The following TET3 variants were observed in gnomAD, a reference collection of about 807,000 sequenced individuals.
TET3 encodes the protein methylcytosine dioxygenase TET3.
A neutral mutation model predicts 141.4 loss-of-function variants in TET3; 19 were observed. The observed-to-expected ratio is 0.13, with a 90% confidence interval of 0.09 to 0.20. TET3 has a LOEUF of 0.20. Among genes scored for constraint, TET3 ranks in the 10% least tolerant of loss-of-function variants. The pLI is 1.00. For missense variants in TET3, 1,874 were observed against 2,356.9 expected (o/e 0.80, Z 4.24); for synonymous variants, 1,043 against 980.9 (o/e 1.06, Z -1.18).
At chr2:73,990,578 T>TA (rs915963359) in intron 2 of TET3, among the ~76,000 whole-genome samples, 3 of 152,036 alleles carry the variant, frequency 2.0e-5, no homozygotes, top group Admixed American at 6.6e-5. Context: ...GAATGACCCT[T>TA]AAAAAAATGC....
Position 74,100,781 on chromosome 2 carries a change from C to T in TET3, c.3993C>T (p.Ala1331=). The T allele has an allele frequency of 6.2e-7, 1 of 1,613,170 alleles. No homozygotes were observed. Among genetic ancestry groups the T allele is most frequent in the Non-Finnish European group, 8.5e-7 (1 of 1,179,622 alleles). Residue 1331 remains alanine (A), a synonymous_variant, in exon 12 of 12, where the codon GCC becomes GCT. Coordinates refer to ENST00000409262, the MANE Select transcript of TET3 (RefSeq NM_001287491.2). ...CTCTGCACAACAGCCTGAGCCCGGC[C>T]TACGGTGGTGCTGAGTTTGCCGAGC... The part of the protein sequence containing the change: ...LHALHNSLSP[A]YGGAEFAELP...
intron 3 of TET3, among the ~76,000 whole-genome samples, chr2:74,025,998 C>T (rs1686330146): frequency 6.6e-6 from 1 of 152,172 alleles, no homozygotes; most frequent in African/African-American, 2.4e-5. Flanking sequence ...TCCTTGTCCT[C>T]ATAGCTCCCA....
At chr2:74,098,136 G>A (rs760730075) in intron 10 of TET3, among the ~76,000 whole-genome samples, 11 of 152,292 alleles carry the variant, frequency 7.2e-5, no homozygotes, top group South Asian at 2.1e-4. Context: ...GTGAAAAACC[G>A]AATCATTTTT....
chr2:74,007,853 A>G (rs902046955), intron 3 of TET3, among the ~76,000 whole-genome samples: 2 of 152,196 alleles, frequency 1.3e-5, no homozygotes, highest in Non-Finnish European at 2.9e-5. Context: ...TTGCAAAACT[A>G]AAACGTGGTC....
intron 3 of TET3, among the ~76,000 whole-genome samples, chr2:74,020,216 A>G (rs138005502): frequency 6.6e-6 from 1 of 152,178 alleles, no homozygotes; most frequent in African/African-American, 2.4e-5. Flanking sequence ...ACAGAGTCTC[A>G]CTCTGTCACC....
intron 3 of TET3, among the ~76,000 whole-genome samples, chr2:74,020,681 G>A (rs574875582): frequency 3.9e-5 from 6 of 152,316 alleles, no homozygotes; most frequent in Non-Finnish European, 5.9e-5. Context: ...CAGGAACAAG[G>A]GAACTCCCAC....
intron 2 of TET3, among the ~76,000 whole-genome samples, chr2:73,997,273 C>G (rs1684641374): frequency 6.6e-6 from 1 of 152,218 alleles, no homozygotes. Context: ...AGACTAGAGT[C>G]TGCTCCACTG....
intron 3 of TET3, among the ~76,000 whole-genome samples, chr2:74,006,929 C>A (rs1308160856): frequency 6.6e-6 from 1 of 152,216 alleles, no homozygotes. Flanking sequence ...GGATTAAAAT[C>A]TGTAGATTAG....
intron 4 of TET3, among the ~76,000 whole-genome samples, chr2:74,059,662 C>T (rs1688397719): frequency 6.6e-6 from 1 of 151,798 alleles, no homozygotes; most frequent in Non-Finnish European, 1.5e-5. Flanking sequence ...AAGTGATCCC[C>T]ACACCTCCCA....
chr2:74,125,696 T>A, the TET3 span, among the ~76,000 whole-genome samples: 6 of 135,040 alleles, frequency 4.4e-5, no homozygotes, highest in East Asian at 5.9e-4. Flanking sequence ...TATGCTAAAA[T>A]TTTTTTTTTT....
At chr2:74,005,880 A>C (rs890261423) in intron 3 of TET3, among the ~76,000 whole-genome samples, 1 of 152,210 alleles carries the variant, frequency 6.6e-6, no homozygotes, top group African/African-American at 2.4e-5. Flanking sequence ...GCTATAGCAG[A>C]CACTGTTGCT....
At chr2:74,036,746 G>T (rs781039346) in intron 3 of TET3, among the ~76,000 whole-genome samples, 2 of 152,204 alleles carry the variant, frequency 1.3e-5, no homozygotes, top group African/African-American at 4.8e-5. Context: ...TCAGAGTCAC[G>T]TAGAGACTTT....
At chr2:74,015,521 G>A (rs906736442) in intron 3 of TET3, among the ~76,000 whole-genome samples, 5 of 152,038 alleles carry the variant, frequency 3.3e-5, no homozygotes, top group South Asian at 2.1e-4. Context: ...TCTTTTATTC[G>A]CTCATAAATA....
intron 3 of TET3, among the ~76,000 whole-genome samples, chr2:74,044,188 T>G (rs1054337706): frequency 8.1e-4 from 123 of 152,042 alleles, no homozygotes; most frequent in African/African-American, 2.8e-3. Context: ...CCAGCCTGGG[T>G]GAGAGTGTGT....
At chr2:74,000,032 G>A (rs563800292) in intron 2 of TET3, among the ~76,000 whole-genome samples, 15 of 152,254 alleles carry the variant, frequency 9.9e-5, no homozygotes, top group African/African-American at 2.9e-4. Context: ...AATTACCACC[G>A]GGAGATGAGT....
At chr2:74,002,362 TC>T (rs553878723) in intron 2 of TET3, among the ~76,000 whole-genome samples, 27 of 146,574 alleles carry the variant, frequency 1.8e-4, no homozygotes, top group East Asian at 1.5e-3. Context: ...GAAGCGGGAA[TC>T]CCCCCCCACC....
chr2:74,031,358 C>T (rs1485216201), intron 3 of TET3, among the ~76,000 whole-genome samples: 2 of 152,092 alleles, frequency 1.3e-5, no homozygotes, highest in Admixed American at 1.3e-4. Flanking sequence ...TGGCCTTCCT[C>T]ATCACCCCGA....
chr2:74,025,100 T>G (rs997393497), intron 3 of TET3, among the ~76,000 whole-genome samples: 2 of 150,240 alleles, frequency 1.3e-5, no homozygotes, highest in Non-Finnish European at 3.0e-5. Context: ...GGCGGGTGCC[T>G]GTGGTCCCAG....
intron 3 of TET3, among the ~76,000 whole-genome samples, chr2:74,031,116 T>A (rs1225514895): frequency 6.6e-6 from 1 of 151,964 alleles, no homozygotes; most frequent in East Asian, 1.9e-4. Flanking sequence ...TTTGGGGCTG[T>A]TGGTGCAGGC....
Sources: allele counts gnomAD v4.1 joint callset (sites outside exome capture counted in the v4.1 genomes callset), GRCh38; gene constraint gnomAD v4.1.1; transcripts MANE v1.5; gene names NCBI Gene and HGNC (gene_info 2026-07-23, HGNC 2026-07-21).